FYN: variants seen among roughly 807,000 people sequenced by gnomAD.
FYN encodes FYN proto-oncogene, Src family tyrosine kinase, also known as tyrosine-protein kinase Fyn.
Under a neutral mutation model 70.2 loss-of-function variants are expected in FYN, and 10 were observed. The ratio of observed to expected loss-of-function variants is 0.14; its 90% CI spans 0.09 to 0.24. The LOEUF (loss-of-function observed/expected upper bound fraction) is 0.24, where lower values mean the gene tolerates loss of function less well. Ranked by LOEUF, FYN falls within the 10% of genes least tolerant of loss-of-function variation. FYN has a pLI of 1.00. For synonymous variants in FYN, 236 were observed against 248.6 expected, an observed-to-expected ratio of 0.95 and a Z score of 0.48; for missense variants, 319 against 673.1, an observed-to-expected ratio of 0.47 and a Z score of 5.82.
chr6:111,804,173 A>G (rs1772076142), intron 2 of FYN, among the ~76,000 whole-genome samples: 1 of 152,256 alleles, frequency 6.6e-6, no homozygotes, highest in African/African-American at 2.4e-5. Context: ...AGGAAGAGAC[A>G]TCATCGTTCT....
At chr6:111,742,386 ACGT>A (rs1802014852) in intron 3 of FYN, among the ~76,000 whole-genome samples, 1 of 152,208 alleles carries the variant, frequency 6.6e-6, no homozygotes, top group African/African-American at 2.4e-5. Flanking sequence ...GTAATACATC[ACGT>A]TGTTAATGGC....
intron 3 of FYN, among the ~76,000 whole-genome samples, chr6:111,723,698 T>A (rs2128465009): frequency 6.6e-6 from 1 of 152,342 alleles, no homozygotes; most frequent in East Asian, 1.9e-4. Context: ...GTGCCCAGGC[T>A]CCTTGCTACA....
chr6:111,844,799 C>T (rs1007974618), intron 2 of FYN: 1 of 152,180 alleles, frequency 6.6e-6, no homozygotes, highest in Admixed American at 6.5e-5. Flanking sequence ...AGACTGGTGG[C>T]CAACAGCCCT....
intron 3 of FYN, among the ~76,000 whole-genome samples, chr6:111,740,740 T>C (rs187093915): frequency 2.2e-3 from 338 of 152,280 alleles, no homozygotes; most frequent in Non-Finnish European, 4.1e-3. Flanking sequence ...TCTGCTCTGT[T>C]TTACTTCAGT....
chr6:111,860,426 C>T lies in FYN; in HGVS notation c.-123+12542G>A, dbSNP rs551173705. Among the ~76,000 whole-genome samples the T allele has an allele frequency of 4.6e-5, 7 of 152,262 alleles. No individual in the cohort carries two copies. The South Asian group carries it at 1.0e-3, about 23-fold the overall frequency. On this transcript the variant is annotated intron_variant, in intron 1 of 13. Transcript: ENST00000354650. ...TCTTCCAGCAGCAGCAGTTCTGGAT[C>T]TCAAGTGTGTGGAAGGAAGCCCTGT...
intron 2 of FYN, among the ~76,000 whole-genome samples, chr6:111,806,249 T>A (rs1772143632): frequency 6.6e-6 from 1 of 152,070 alleles, no homozygotes; most frequent in Admixed American, 6.6e-5. Flanking sequence ...TGGTCAAATA[T>A]AACCCCAGGG....
At chr6:111,752,647 T>A (rs1802539913) in intron 3 of FYN, among the ~76,000 whole-genome samples, 1 of 151,902 alleles carries the variant, frequency 6.6e-6, no homozygotes, top group Non-Finnish European at 1.5e-5. Flanking sequence ...AGGGTCTGAG[T>A]GGGGAGGCAG....
At chr6:111,711,361 C>T (rs763096040) in intron 5 of FYN, among the ~76,000 whole-genome samples, 3 of 151,954 alleles carry the variant, frequency 2.0e-5, no homozygotes, top group Non-Finnish European at 2.9e-5. Flanking sequence ...AGTCACTGTT[C>T]GTAGATGGTA....
intron 2 of FYN, among the ~76,000 whole-genome samples, chr6:111,789,580 A>G (rs1771533308): frequency 6.6e-6 from 1 of 152,224 alleles, no homozygotes; most frequent in South Asian, 2.1e-4. Flanking sequence ...AAAAACAACA[A>G]TTCTGCTTCT....
chr6:111,808,977 C>A (rs889487282), intron 2 of FYN, among the ~76,000 whole-genome samples: 2 of 152,090 alleles, frequency 1.3e-5, no homozygotes, highest in African/African-American at 2.4e-5. Flanking sequence ...ATGTTAAACT[C>A]GGTAAGTGTT....
Position 111,712,204 on chromosome 6 carries a change from G to C in FYN, c.344+2143C>G, listed in dbSNP as rs559528734. On this transcript the variant is annotated intron_variant, in intron 5 of 13. Coordinates refer to ENST00000354650, the MANE Select transcript of FYN (RefSeq NM_002037.5). The stretch of plus-strand genomic sequence containing the variant: ...TAATGCACAGACGCACGTGCAGTGT[G>C]GACAAAGCCTCCTGAGAGCTGGGTC... Among the ~76,000 whole-genome samples, 4 of 152,334 alleles carry C rather than the reference G, an allele frequency of 2.6e-5. No homozygotes were observed. The South Asian group carries it at 8.3e-4, about 32-fold the overall frequency.
chr6:111,865,524 T>G (rs1774080300), intron 1 of FYN, among the ~76,000 whole-genome samples: 1 of 152,248 alleles, frequency 6.6e-6, no homozygotes, highest in Admixed American at 6.5e-5. Flanking sequence ...AAGTCCACAG[T>G]GTCACTTATT....
intron 2 of FYN, among the ~76,000 whole-genome samples, chr6:111,813,282 G>T (rs1467945746): frequency 6.6e-6 from 1 of 152,026 alleles, no homozygotes; most frequent in Admixed American, 6.6e-5. Context: ...CTTTACCAAG[G>T]CCTACCACAG....
intron 2 of FYN, among the ~76,000 whole-genome samples, chr6:111,825,514 C>T (rs527582353): frequency 6.6e-6 from 1 of 152,204 alleles, no homozygotes; most frequent in African/African-American, 2.4e-5. Context: ...ACCTACCACA[C>T]AGGATTTCTG....
intron 4 of FYN, among the ~76,000 whole-genome samples, chr6:111,719,150 G>A (rs1274418408): frequency 6.6e-6 from 1 of 152,160 alleles, no homozygotes; most frequent in Non-Finnish European, 1.5e-5. Context: ...CATACTCAGA[G>A]AAAATTTGGA....
intron 1 of FYN, among the ~76,000 whole-genome samples, chr6:111,870,234 C>T (rs759933749): frequency 9.9e-5 from 15 of 152,182 alleles, no homozygotes; most frequent in Non-Finnish European, 1.3e-4. Flanking sequence ...GGGTGTGCCC[C>T]GTCTACTCTC....
In FYN at chr6:111,705,286, T is replaced by C. The variant is rs73766710; in HGVS notation, c.444-1184A>G. Among the ~76,000 whole-genome samples the C allele has an allele frequency of 2.4e-3, 360 of 152,262 alleles. 1 individual carries two copies. The highest frequency in any genetic ancestry group is 8.5e-3 in the African/African-American group (352 of 41,556). ...AAACGCCCATGAGTACTTACTTGTA[T>C]TTTGTTTTCCTCCCCTAGGTGTGTG... On this transcript the variant is annotated intron_variant, in intron 6 of 13. Transcript: ENST00000354650.
At chr6:111,707,802 A>C (rs1800166756) in intron 6 of FYN, 120 bp downstream of exon 6, 5 of 735,132 alleles carry the variant, frequency 6.8e-6, no homozygotes, top group Admixed American at 4.6e-5. Flanking sequence ...AAAGCCTGAA[A>C]AACTCAGCCT....
At chr6:111,872,863 G>C (rs2114262514) in intron 1 of FYN, 105 bp downstream of exon 1, 1 of 151,532 alleles carries the variant, frequency 6.6e-6, no homozygotes, top group African/African-American at 2.4e-5. Context: ...AGGGACCGCA[G>C]CACCGGGCCC....
Sources: allele counts gnomAD v4.1 joint callset (sites outside exome capture counted in the v4.1 genomes callset), GRCh38; gene constraint gnomAD v4.1.1; transcripts MANE v1.5; gene names NCBI Gene and HGNC (gene_info 2026-07-23, HGNC 2026-07-21).